Variants in CHD9 observed in about 807,000 individuals in gnomAD.
CHD9 encodes the protein chromodomain helicase DNA binding protein 9.
A neutral mutation model predicts 316.1 loss-of-function variants in CHD9; 77 were observed. The ratio of observed to expected loss-of-function variants is 0.24; its 90% CI spans 0.20 to 0.29. The LOEUF (loss-of-function observed/expected upper bound fraction) is 0.29, where lower values mean the gene tolerates loss of function less well. CHD9 is among the 10% of genes least tolerant of loss of function. The probability of loss-of-function intolerance (pLI) is 1.00; values close to 1 mark genes in which losing one functional copy is unlikely to be tolerated. For synonymous variants in CHD9, 1,129 were observed against 1,158.3 expected, an observed-to-expected ratio of 0.97 and a Z score of 0.51; for missense variants, 2,763 against 3,438.1, an observed-to-expected ratio of 0.80 and a Z score of 4.91.
chr16:53,267,788 A>C, intron 21 of CHD9, 139 bp from the exon 22 acceptor site: 1 of 680,298 alleles, frequency 1.5e-6, no homozygotes, highest in South Asian at 2.0e-5. Flanking sequence ...CCATTCCTCT[A>C]CATTCTATGC....
chr16:53,237,057 C>T (rs2152937642), intron 11 of CHD9, among the ~76,000 whole-genome samples: 1 of 152,220 alleles, frequency 6.6e-6, no homozygotes, highest in Admixed American at 6.5e-5. Flanking sequence ...GAGTGTCTAT[C>T]TCAATGATTC....
At chr16:53,120,832 C>T (rs1344626589) in intron 1 of CHD9, among the ~76,000 whole-genome samples, 1 of 151,844 alleles carries the variant, frequency 6.6e-6, no homozygotes, top group Non-Finnish European at 1.5e-5. Context: ...TGGTAAAATT[C>T]TGTCTCTACT....
chr16:53,215,301 C>G (rs1389103389), intron 3 of CHD9, among the ~76,000 whole-genome samples: 2 of 152,196 alleles, frequency 1.3e-5, no homozygotes. Context: ...ATCCTTATTT[C>G]TTACTTACAT....
chr16:53,055,115 C>CT (rs2031888670), intron 1 of CHD9, 38 bp downstream of exon 1: 2 of 152,536 alleles, frequency 1.3e-5, no homozygotes, highest in South Asian at 4.1e-4. Context: ...CCTGGAGCCT[C>CT]TGAGGTCGGG....
At chr16:53,195,194 A>T (rs766088481) in intron 2 of CHD9, among the ~76,000 whole-genome samples, 4 of 152,240 alleles carry the variant, frequency 2.6e-5, no homozygotes, top group Non-Finnish European at 5.9e-5. Flanking sequence ...ACAATTCTAG[A>T]AGCCTGCTAT....
intron 1 of CHD9, among the ~76,000 whole-genome samples, chr16:53,068,937 T>A (rs1377633606): frequency 1.3e-5 from 2 of 152,210 alleles, no homozygotes; most frequent in Non-Finnish European, 2.9e-5. Context: ...TTTATTGTGG[T>A]AAAATACACA....
At chr16:53,313,773 AC>A (rs1810708712) in intron 34 of CHD9, among the ~76,000 whole-genome samples, 1 of 151,476 alleles carries the variant, frequency 6.6e-6, no homozygotes, top group Admixed American at 6.6e-5. Flanking sequence ...ATATGCTGAA[AC>A]CCCGTCTCTA....
intron 1 of CHD9, chr16:53,131,383 C>T (rs550884962): frequency 6.9e-6 from 1 of 145,208 alleles, no homozygotes; most frequent in East Asian, 2.1e-4. Context: ...GCGGCGCCCC[C>T]GCCTGAGGTG....
At chr16:53,202,976 G>T (rs1050678030) in intron 2 of CHD9, among the ~76,000 whole-genome samples, 5 of 152,030 alleles carry the variant, frequency 3.3e-5, no homozygotes, top group Non-Finnish European at 7.4e-5. Flanking sequence ...ATTATAATTT[G>T]CTCTTGGATC....
intron 2 of CHD9, among the ~76,000 whole-genome samples, chr16:53,188,633 G>A (rs57176888): frequency 3.5e-5 from 2 of 56,424 alleles, no homozygotes; most frequent in African/African-American, 7.2e-5. Context: ...TTTTTTTTGA[G>A]ATGGAAGCTG....
chr16:53,092,579 C>T (rs2036041436), intron 1 of CHD9, among the ~76,000 whole-genome samples: 1 of 152,052 alleles, frequency 6.6e-6, no homozygotes, highest in Admixed American at 6.6e-5. Flanking sequence ...AGTCAACATT[C>T]ATCTTAAGTG....
At chr16:53,261,095 CAAA>C (rs753392412) in intron 19 of CHD9, among the ~76,000 whole-genome samples, 2 of 123,244 alleles carry the variant, frequency 1.6e-5, no homozygotes. Context: ...TTAGAGAAAG[CAAA>C]AAAAAAAAAA....
In CHD9 at chr16:53,308,538, TTGAC is replaced by T. The variant is rs909937485; in HGVS notation, c.7054-144_7054-141del. ...AGAAATTGATTTAAAATGTTTTTATTTGACTGATTTATGAATGAGAAATGAACTT... is the reference window on the plus strand; with the variant it reads ...AGAAATTGATTTAAAATGTTTTTATTTGATTTATGAATGAGAAATGAACTT... On this transcript the variant is annotated intron_variant, in intron 33 of 38. Transcript: ENST00000447540. 17 of 622,266 alleles carry T rather than the reference TTGAC, an allele frequency of 2.7e-5. No homozygotes were observed. In the African/African-American group the frequency reaches 3.0e-4, roughly 11 times the overall value. 38.5% of individuals were successfully genotyped at this position (622,266 alleles called of 1,614,324 possible).
chr16:53,320,491 C>T (rs1174630661), intron 37 of CHD9, among the ~76,000 whole-genome samples: 1 of 152,150 alleles, frequency 6.6e-6, no homozygotes, highest in Non-Finnish European at 1.5e-5. Flanking sequence ...CACTACACTC[C>T]AGCCTGAGCG....
chr16:53,273,197 C>G (rs1465047751), intron 22 of CHD9, among the ~76,000 whole-genome samples: 1 of 152,066 alleles, frequency 6.6e-6, no homozygotes, highest in Non-Finnish European at 1.5e-5. Context: ...ACAAATAACT[C>G]AAAGAACTAA....
intron 1 of CHD9, among the ~76,000 whole-genome samples, chr16:53,066,006 T>C (rs981597621): frequency 3.3e-5 from 5 of 152,190 alleles, no homozygotes; most frequent in Non-Finnish European, 5.9e-5. Flanking sequence ...TGATATCTAC[T>C]CTCCTCGTAT....
intron 2 of CHD9, chr16:53,168,534 G>T (rs987308635): frequency 6.6e-6 from 1 of 152,128 alleles, no homozygotes; most frequent in African/African-American, 2.4e-5. Flanking sequence ...TAATGGTTTA[G>T]TAGAAACTTG....
chr16:53,102,561 A>G (rs2036973439), intron 1 of CHD9, among the ~76,000 whole-genome samples: 2 of 152,054 alleles, frequency 1.3e-5, no homozygotes, highest in African/African-American at 2.4e-5. Context: ...TTTTTTTAAT[A>G]GATTTAGGCC....
At chr16:53,308,074 G>A in intron 33 of CHD9, 121 bp downstream of exon 33, 1 of 854,622 alleles carries the variant, frequency 1.2e-6, no homozygotes, top group South Asian at 1.9e-5. Flanking sequence ...TTGGTATTTG[G>A]ATTATTTTCT....
Sources: allele counts gnomAD v4.1 joint callset (sites outside exome capture counted in the v4.1 genomes callset), GRCh38; gene constraint gnomAD v4.1.1; transcripts MANE v1.5; gene names NCBI Gene and HGNC (gene_info 2026-07-23, HGNC 2026-07-21).